The following PCDHGA6 variants were observed in gnomAD, a reference collection of about 807,000 sequenced individuals.
PCDHGA6 encodes protocadherin gamma-A6.
PCDHGA6 carries 41 observed loss-of-function variants against 60.6 expected under a neutral mutation model. The ratio of observed to expected loss-of-function variants is 0.68; its 90% CI spans 0.53 to 0.88. The LOEUF (loss-of-function observed/expected upper bound fraction) is 0.88. Among genes scored for constraint, PCDHGA6 ranks in the 40% least tolerant of loss-of-function variants. The pLI is 0.00. For synonymous variants in PCDHGA6, 594 were observed against 524.4 expected (o/e 1.13, Z -1.81); for missense variants, 1,312 against 1,203.0 (o/e 1.09, Z -1.34).
Position 141,511,703 on chromosome 5 carries a change from T to G in PCDHGA6, c.*530T>G, listed in dbSNP as rs148447880. On this transcript the variant is annotated 3_prime_UTR_variant, in exon 4 of 4. Coordinates refer to ENST00000517434, the MANE Select transcript of PCDHGA6 (RefSeq NM_018919.3). ...AAAGCATGGTTTGGTGCCAGCCCCT[T>G]CACCTCCTTCCAGAGCCCAAGATCA... The G allele has an allele frequency of 1.1e-4, 21 of 189,942 alleles. No homozygotes were observed. In the East Asian group the frequency reaches 2.4e-3, roughly 22 times the overall value. 11.8% of individuals were successfully genotyped at this position (189,942 alleles called of 1,614,324 possible).
rs1554123924 is a variant in PCDHGA6, at chr5:141,431,826, T to C, written c.2424+55319T>C. 1 of 1,614,220 alleles carries C rather than the reference T, an allele frequency of 6.2e-7. No homozygotes were observed. The highest frequency in any genetic ancestry group is 8.5e-7 in the Non-Finnish European group (1 of 1,180,050). The stretch of plus-strand genomic sequence containing the variant: ...GTCCTCACCTCTCTCGCCAGCTCGG[T>C]TCCCGAAAACTCTCCCAGAGGGACA... On this transcript the variant is annotated intron_variant, in intron 1 of 3. Coordinates refer to ENST00000517434, the MANE Select transcript of PCDHGA6 (RefSeq NM_018919.3). This position sits in a 1 kb window ranked among gnomAD's most constrained non-coding sequence, Gnocchi z 4.8.
intron 1 of PCDHGA6, chr5:141,441,662 C>T: frequency 3.8e-6 from 1 of 260,740 alleles, no homozygotes; most frequent in Non-Finnish European, 7.7e-6. Flanking sequence ...TGTCCTTGAG[C>T]GCACAGTGCG....
intron 1 of PCDHGA6, chr5:141,404,213 A>G: frequency 6.2e-7 from 1 of 1,613,516 alleles, no homozygotes; most frequent in Non-Finnish European, 8.5e-7. Context: ...ATATAATATC[A>G]CGGTGACTGC....
chr5:141,418,273 A>C, intron 1 of PCDHGA6: 1 of 1,614,082 alleles, frequency 6.2e-7, no homozygotes, highest in South Asian at 1.1e-5. Context: ...AAGATGAAAT[A>C]AACTTAGAAA....
intron 1 of PCDHGA6, among the ~76,000 whole-genome samples, chr5:141,468,914 G>A (rs563780068): frequency 2.6e-5 from 4 of 151,700 alleles, no homozygotes; most frequent in Admixed American, 2.6e-4. Context: ...CAGACTAGAA[G>A]AGAATAGCAC....
chr5:141,383,295 A>G, intron 1 of PCDHGA6: 1 of 1,613,982 alleles, frequency 6.2e-7, no homozygotes, highest in Non-Finnish European at 8.5e-7. Context: ...ACGTTCCAAG[A>G]TTCTTGACGG....
chr5:141,429,955 A>G (rs971940539), intron 1 of PCDHGA6, among the ~76,000 whole-genome samples: 1 of 152,202 alleles, frequency 6.6e-6, no homozygotes, highest in Non-Finnish European at 1.5e-5. Context: ...TTTCCAGTCA[A>G]TGCAAGTTGG....
At chr5:141,407,453 C>G (rs914537742) in intron 1 of PCDHGA6, among the ~76,000 whole-genome samples, 18 of 148,834 alleles carry the variant, frequency 1.2e-4, no homozygotes, top group African/African-American at 4.4e-4. Flanking sequence ...ACACGAGGCT[C>G]ACCAGACAGA....
chr5:141,416,452 A>T (rs2154546483), intron 1 of PCDHGA6: 1 of 152,342 alleles, frequency 6.6e-6, no homozygotes, highest in African/African-American at 2.4e-5. Flanking sequence ...ATGGGTTGGG[A>T]AGACAGATAA....
intron 1 of PCDHGA6, among the ~76,000 whole-genome samples, chr5:141,380,036 A>G (rs956010393): frequency 3.3e-5 from 5 of 151,364 alleles, no homozygotes; most frequent in African/African-American, 1.2e-4. Flanking sequence ...AGTAGCTGGG[A>G]TTACAGGTGC....
intron 1 of PCDHGA6, 37 bp downstream of exon 1, chr5:141,376,544 G>C: frequency 6.2e-7 from 1 of 1,612,818 alleles, no homozygotes; most frequent in South Asian, 1.1e-5. Context: ...AGAGTAATCT[G>C]ATCTTCCCGC....
chr5:141,394,514 C>T, intron 1 of PCDHGA6: 1 of 1,614,230 alleles, frequency 6.2e-7, no homozygotes. Flanking sequence ...ACCCCGCCCT[C>T]CCCACAGACG....
At chr5:141,395,500 TAAG>T (rs1227202502) in intron 1 of PCDHGA6, 3 of 471,360 alleles carry the variant, frequency 6.4e-6, no homozygotes, top group Non-Finnish European at 1.1e-5. Flanking sequence ...CTCATTCACT[TAAG>T]AAGTAGCTAC....
intron 1 of PCDHGA6, among the ~76,000 whole-genome samples, chr5:141,472,409 C>T (rs2099279484): frequency 6.6e-6 from 1 of 152,016 alleles, no homozygotes; most frequent in South Asian, 2.1e-4. Flanking sequence ...GGCGTGGTGG[C>T]ACGCACCTGT....
chr5:141,432,766 C>G lies in PCDHGA6; in HGVS notation c.2424+56259C>G. On this transcript the variant is annotated intron_variant, in intron 1 of 3. Transcript: ENST00000517434. This position sits in a 1 kb window ranked among gnomAD's most constrained non-coding sequence, Gnocchi z 6.0. Reference sequence around the variant, plus strand: ...CCGTGGCCGTGGCCGACAGCATCCCCCAAGTCCTGGCGGACCTCGGCAGCC... The same window carrying G: ...CCGTGGCCGTGGCCGACAGCATCCCGCAAGTCCTGGCGGACCTCGGCAGCC... 6.2e-7 allele frequency: 1 copy of G among 1,614,160 alleles called. No individual in the cohort carries two copies. The highest frequency in any genetic ancestry group is 8.5e-7 in the Non-Finnish European group (1 of 1,179,994).
At chr5:141,412,934 G>A (rs1232539262) in intron 1 of PCDHGA6, 1 of 453,932 alleles carries the variant, frequency 2.2e-6, no homozygotes, top group African/African-American at 2.0e-5. Context: ...TAACTTCTTA[G>A]GACTCTGAGC....
At chr5:141,452,134 T>C (rs539377216) in intron 1 of PCDHGA6, among the ~76,000 whole-genome samples, 2 of 152,344 alleles carry the variant, frequency 1.3e-5, no homozygotes, top group South Asian at 2.1e-4. Flanking sequence ...ATATGGCTCA[T>C]GTGTTTTTTC....
intron 1 of PCDHGA6, chr5:141,383,195 G>T: frequency 1.2e-6 from 2 of 1,614,044 alleles, no homozygotes; most frequent in Non-Finnish European, 1.7e-6. Flanking sequence ...TGCGCTCAGA[G>T]TGCGCGGTGT....
At chr5:141,406,185 A>G (rs1204342088) in intron 1 of PCDHGA6, among the ~76,000 whole-genome samples, 1 of 150,712 alleles carries the variant, frequency 6.6e-6, no homozygotes, top group Non-Finnish European at 1.5e-5. Flanking sequence ...CAATCCTCCC[A>G]CCTCAGCCTT....
Sources: gnomAD v4.1 joint callset for allele counts (sites outside exome capture counted in the v4.1 genomes callset) on GRCh38, gnomAD v4.1.1 for gene constraint, Gnocchi (gnomAD v3.1) non-coding constraint, MANE v1.5 for transcripts, NCBI Gene and HGNC (gene_info 2026-07-23, HGNC 2026-07-21) for gene names.